CYP7B1: variants seen among roughly 807,000 people sequenced by gnomAD.
The protein encoded by CYP7B1 is cytochrome P450 family 7 subfamily B member 1.
In CYP7B1, 29 loss-of-function variants were observed where a neutral mutation model predicts 42.7. The observed-to-expected ratio is 0.68, with a 90% CI of 0.51 to 0.93. The LOEUF (loss-of-function observed/expected upper bound fraction) is 0.93, where lower values mean the gene tolerates loss of function less well. CYP7B1 is among the 40% of genes least tolerant of loss of function. The pLI is 0.00. For missense variants in CYP7B1, 655 were observed against 600.5 expected (o/e 1.09, Z -0.95); for synonymous variants, 235 against 218.2 (o/e 1.08, Z -0.68).
intron 5 of CYP7B1, among the ~76,000 whole-genome samples, chr8:64,597,824 C>T (rs550419358): frequency 1.1e-4 from 16 of 152,266 alleles, no homozygotes; most frequent in African/African-American, 2.9e-4. Context: ...TGCATGGAAA[C>T]GACCAAGTAT....
intron 1 of CYP7B1, among the ~76,000 whole-genome samples, chr8:64,736,414 C>T (rs1408829922): frequency 6.6e-6 from 1 of 152,124 alleles, no homozygotes; most frequent in African/African-American, 2.4e-5. Context: ...AAACAAATAT[C>T]TTCGCTTTAG....
intron 1 of CYP7B1, among the ~76,000 whole-genome samples, chr8:64,673,697 C>T (rs192597119): frequency 1.3e-5 from 2 of 152,106 alleles, no homozygotes; most frequent in East Asian, 3.9e-4. Flanking sequence ...TATTAGCCAC[C>T]ATTGAGTTCT....
In CYP7B1 at chr8:64,593,086, TTC is replaced by T. The variant is rs1482781276; in HGVS notation, c.*3554_*3555del. ...AATTGGAATGGAATAATTTCCTGTG[TTC>T]TCTGTGCCTTAACATCACAAAAGTG... On this transcript the variant is annotated 3_prime_UTR_variant, in exon 6 of 6. Coordinates refer to ENST00000310193, the MANE Select transcript of CYP7B1 (RefSeq NM_004820.5). 6.6e-6 allele frequency among the ~76,000 whole-genome samples: 1 copy of T among 152,248 alleles called. No homozygotes were observed.
intron 1 of CYP7B1, 40 bp from the exon 2 acceptor site, chr8:64,624,579 A>G (rs1805580447): frequency 2.5e-6 from 4 of 1,608,950 alleles, no homozygotes; most frequent in Non-Finnish European, 3.4e-6. Flanking sequence ...CAAAAGAAAA[A>G]TCAAATCATT....
intron 1 of CYP7B1, among the ~76,000 whole-genome samples, chr8:64,729,487 T>C (rs1477961025): frequency 6.6e-6 from 1 of 152,236 alleles, no homozygotes; most frequent in Admixed American, 6.5e-5. Context: ...AAATTTATGA[T>C]TGTTCTTTGA....
At chr8:64,677,706 GTTTTTTTTTTT>G (rs11435388) in intron 1 of CYP7B1, among the ~76,000 whole-genome samples, 5 of 86,400 alleles carry the variant, frequency 5.8e-5, no homozygotes, top group Admixed American at 3.2e-4. Flanking sequence ...ACACTCCTTG[GTTTTTTTTTTT>G]TTTTTTTTTT....
intron 2 of CYP7B1, among the ~76,000 whole-genome samples, chr8:64,621,536 G>T (rs1231077904): frequency 2.0e-5 from 3 of 152,144 alleles, no homozygotes; most frequent in Admixed American, 6.5e-5. Flanking sequence ...GGTATGGCGT[G>T]TGAGGAGGAA....
At chr8:64,679,013 A>C (rs1398412782) in intron 1 of CYP7B1, among the ~76,000 whole-genome samples, 1 of 152,070 alleles carries the variant, frequency 6.6e-6, no homozygotes, top group Non-Finnish European at 1.5e-5. Context: ...TATATTGCAT[A>C]TATATGACAG....
intron 1 of CYP7B1, among the ~76,000 whole-genome samples, chr8:64,757,484 T>C (rs963254304): frequency 1.3e-5 from 2 of 152,162 alleles, no homozygotes; most frequent in African/African-American, 4.8e-5. Context: ...CTAAAGGCAT[T>C]AGTATTTCCC....
chr8:64,596,869 C>G lies in CYP7B1; in HGVS notation c.1294G>C (p.Gly432Arg), dbSNP rs749942998. The G allele has an allele frequency of 6.2e-7, 1 of 1,613,636 alleles. No individual in the cohort carries two copies. Among genetic ancestry groups the G allele is most frequent in the Non-Finnish European group, 8.5e-7 (1 of 1,179,782 alleles). The stretch of plus-strand genomic sequence containing the variant: ...ATTAGGTAACACTTCAGCTTTTTCC[C>G]TCTTTTGAAAAAGGTGGTTTTCTTC... The part of the protein sequence containing the change: ...GKKKTTFFKR[G>R]KKLKCYLMPF... The change falls in exon 6 of 6, where the codon GGG (glycine) becomes CGG (arginine). Residue 432 changes from glycine (G) to arginine (R), a missense_variant. By Grantham distance (125) the Gly-to-Arg change is moderately radical (BLOSUM62 -2). Transcript: ENST00000310193.
chr8:64,643,271 G>C (rs1324072370), intron 1 of CYP7B1, among the ~76,000 whole-genome samples: 1 of 151,344 alleles, frequency 6.6e-6, no homozygotes, highest in Admixed American at 6.6e-5. Flanking sequence ...ATCATAATGT[G>C]AATGTTGCAA....
chr8:64,773,838 T>G (rs1434893510), intron 1 of CYP7B1, among the ~76,000 whole-genome samples: 4 of 152,190 alleles, frequency 2.6e-5, no homozygotes, highest in Non-Finnish European at 5.9e-5. Flanking sequence ...CTCACTTTTA[T>G]AACAAATCCA....
chr8:64,789,443 G>T (rs73688014), intron 1 of CYP7B1, among the ~76,000 whole-genome samples: 12,263 of 152,148 alleles, frequency 0.081, 741 homozygotes, highest in African/African-American at 0.16. Context: ...AAGAGTCCCA[G>T]TGTTTTACTA....
intron 1 of CYP7B1, among the ~76,000 whole-genome samples, chr8:64,750,417 G>C (rs1401090255): frequency 6.6e-6 from 1 of 152,148 alleles, no homozygotes; most frequent in East Asian, 1.9e-4. Flanking sequence ...CAATTTAAGG[G>C]CATGTTTGAA....
At chr8:64,630,680 G>A (rs572858410) in intron 1 of CYP7B1, among the ~76,000 whole-genome samples, 52 of 152,238 alleles carry the variant, frequency 3.4e-4, no homozygotes, top group Admixed American at 2.1e-3. Context: ...AGATAAACAC[G>A]AACTCAGTAA....
intron 1 of CYP7B1, among the ~76,000 whole-genome samples, chr8:64,728,373 T>C (rs191099286): frequency 6.6e-6 from 1 of 152,314 alleles, no homozygotes; most frequent in Non-Finnish European, 1.5e-5. Flanking sequence ...TGCTTCTCTC[T>C]AGAGAGCAAG....
intron 1 of CYP7B1, among the ~76,000 whole-genome samples, chr8:64,691,594 CATA>C (rs1285985177): frequency 1.3e-5 from 2 of 149,726 alleles, no homozygotes; most frequent in Admixed American, 1.4e-4. Flanking sequence ...GTGCCTGAGA[CATA>C]GTAGGTACAT....
At chr8:64,738,782 CAA>C (rs1435766529) in intron 1 of CYP7B1, among the ~76,000 whole-genome samples, 4 of 152,146 alleles carry the variant, frequency 2.6e-5, no homozygotes, top group African/African-American at 9.7e-5. Flanking sequence ...CAGGCTAATC[CAA>C]AGAGTTGACA....
At chr8:64,674,139 A>T (rs569669945) in intron 1 of CYP7B1, among the ~76,000 whole-genome samples, 1 of 152,116 alleles carries the variant, frequency 6.6e-6, no homozygotes. Context: ...TAACTTTGTT[A>T]AAATTAAGTC....
Sources: allele counts gnomAD v4.1 joint callset (sites outside exome capture counted in the v4.1 genomes callset), GRCh38; gene constraint gnomAD v4.1.1; transcripts MANE v1.5; gene names NCBI Gene and HGNC (gene_info 2026-07-23, HGNC 2026-07-21).